ANKRD28: variants seen among roughly 807,000 people sequenced by gnomAD.
The protein encoded by ANKRD28 is serine/threonine-protein phosphatase 6 regulatory ankyrin repeat subunit A.
In ANKRD28, 44 loss-of-function variants were observed where a neutral mutation model predicts 126.5. The ratio of observed to expected loss-of-function variants is 0.35; its 90% CI spans 0.27 to 0.45. ANKRD28 has a LOEUF of 0.45. Ranked by LOEUF, ANKRD28 falls within the 20% of genes least tolerant of loss-of-function variation. ANKRD28 has a pLI of 1.00. For missense variants in ANKRD28, 1,110 were observed against 1,316.6 expected (o/e 0.84, Z 2.43); for synonymous variants, 442 against 468.5 (o/e 0.94, Z 0.73).
chr3:15,736,971 T>C, intron 5 of ANKRD28, 62 bp downstream of exon 5: 1 of 1,541,528 alleles, frequency 6.5e-7, no homozygotes, highest in Admixed American at 1.7e-5. Flanking sequence ...ATGCAAGTTC[T>C]TTAATAAGTG....
intron 1 of ANKRD28, among the ~76,000 whole-genome samples, chr3:15,852,437 A>T (rs1431709211): frequency 6.6e-6 from 1 of 152,236 alleles, no homozygotes; most frequent in African/African-American, 2.4e-5. Context: ...CTTGTGCTAG[A>T]TGTTTTAATA....
At chr3:15,836,631 A>G (rs1559586622) in intron 1 of ANKRD28, among the ~76,000 whole-genome samples, 1 of 152,344 alleles carries the variant, frequency 6.6e-6, no homozygotes, top group East Asian at 1.9e-4. Context: ...GGAAAAACAT[A>G]TACCACACAA....
In ANKRD28 at chr3:15,780,627, G is replaced by A. The variant is rs1305321449; in HGVS notation, c.202-14315C>T. ...TGAATAGTTAAAAACAATAACCAGC[G>A]AAAAAAACAAAGCTGGAGGCATCAC... On this transcript the variant is annotated intron_variant, in intron 2 of 27. Coordinates refer to ENST00000683139, the MANE Select transcript of ANKRD28 (RefSeq NM_001349278.2). Among the ~76,000 whole-genome samples the A allele has an allele frequency of 4.0e-5, 6 of 151,772 alleles. No individual in the cohort carries two copies. The East Asian group carries it at 7.7e-4, about 20-fold the overall frequency.
intron 1 of ANKRD28, among the ~76,000 whole-genome samples, chr3:15,836,857 GGCAGATC>G (rs2061335329): frequency 6.6e-6 from 1 of 150,474 alleles, no homozygotes; most frequent in Non-Finnish European, 1.5e-5. Flanking sequence ...GGCCGAGGCG[GGCAGATC>G]ACAAGGTCAG....
At chr3:15,799,462 AT>A (rs1384391558), upstream of ANKRD28, among the ~76,000 whole-genome samples, 4 of 152,028 alleles carry the variant, frequency 2.6e-5, no homozygotes, top group Non-Finnish European at 5.9e-5. Context: ...CATGCTAACA[AT>A]TCATTAGTTA....
At chr3:15,730,741 T>G (rs186222398) in intron 6 of ANKRD28, among the ~76,000 whole-genome samples, 1 of 152,354 alleles carries the variant, frequency 6.6e-6, no homozygotes, top group African/African-American at 2.4e-5. Flanking sequence ...AAAGGATAAT[T>G]ATAAATCTCT....
intron 12 of ANKRD28, among the ~76,000 whole-genome samples, chr3:15,710,526 C>T (rs1399996617): frequency 2.0e-5 from 3 of 152,132 alleles, no homozygotes; most frequent in Admixed American, 1.3e-4. Flanking sequence ...CTTGGTTCAA[C>T]GTACTCGTCC....
chr3:15,763,424 T>C (rs911247145), intron 3 of ANKRD28, among the ~76,000 whole-genome samples: 5 of 152,230 alleles, frequency 3.3e-5, no homozygotes, highest in African/African-American at 1.2e-4. Flanking sequence ...TAAATAAATA[T>C]GCTAGGAAGG....
At chr3:15,822,795 G>A (rs529027433) in intron 1 of ANKRD28, among the ~76,000 whole-genome samples, 2 of 152,148 alleles carry the variant, frequency 1.3e-5, no homozygotes, top group South Asian at 2.1e-4. Context: ...TAGAAATTCT[G>A]GAGCTAAAGA....
intron 4 of ANKRD28, among the ~76,000 whole-genome samples, chr3:15,748,952 C>G (rs2057667176): frequency 6.6e-6 from 1 of 152,054 alleles, no homozygotes; most frequent in Non-Finnish European, 1.5e-5. Context: ...TCTTCAAGCG[C>G]TAAAGTTCTT....
At chr3:15,743,580 A>ACACACACATG (rs1553616158) in intron 4 of ANKRD28, among the ~76,000 whole-genome samples, 1 of 150,452 alleles carries the variant, frequency 6.6e-6, no homozygotes, top group African/African-American at 2.5e-5. Context: ...ACACACACAC[A>ACACACACATG]CACACACACA....
intron 27 of ANKRD28, among the ~76,000 whole-genome samples, chr3:15,673,906 CTA>C (rs2066634689): frequency 6.6e-6 from 1 of 151,872 alleles, no homozygotes; most frequent in Non-Finnish European, 1.5e-5. Flanking sequence ...ATTTTAAGAA[CTA>C]TGAGTGGGGC....
intron 1 of ANKRD28, among the ~76,000 whole-genome samples, chr3:15,835,826 G>A (rs1253638710): frequency 1.3e-5 from 2 of 152,136 alleles, no homozygotes; most frequent in Non-Finnish European, 2.9e-5. Context: ...AGATACTAAA[G>A]GAAGTTCTCC....
In ANKRD28 at chr3:15,767,565, A is replaced by G. The variant is rs1357761799; in HGVS notation, c.202-1253T>C. Among the ~76,000 whole-genome samples the G allele has an allele frequency of 3.3e-5, 5 of 152,012 alleles. No individual in the cohort carries two copies. The East Asian group carries it at 9.7e-4, about 29-fold the overall frequency. On this transcript the variant is annotated intron_variant, in intron 2 of 27. Coordinates refer to ENST00000683139, the MANE Select transcript of ANKRD28 (RefSeq NM_001349278.2). Reference sequence around the variant, plus strand: ...AACTTCCAGGTCATCTTCAACTTAAAAGACAACTACTCTAGGCTGGGCACA... The same window carrying G: ...AACTTCCAGGTCATCTTCAACTTAAGAGACAACTACTCTAGGCTGGGCACA...
At position 15,734,686 on chromosome 3, in the gene ANKRD28, T is replaced by G. The variant is rs116668135; in HGVS notation, c.640+724A>C. 5.9e-3 allele frequency among the ~76,000 whole-genome samples: 899 copies of G among 152,352 alleles called. 6 individuals carry two copies. Among genetic ancestry groups the G allele is most frequent in the African/African-American group, 0.021 (854 of 41,568 alleles). On this transcript the variant is annotated intron_variant, in intron 6 of 27. Transcript: ENST00000683139. ...GGTGTACTTTCTCTATACTTAGAGA[T>G]CTACCTTCCTCGGCAGTTTTAGCAT... is the stretch of plus-strand genomic sequence containing the variant.
At chr3:15,736,944 G>A (rs1397495991) in intron 5 of ANKRD28, 89 bp downstream of exon 5, 33 of 1,286,116 alleles carry the variant, frequency 2.6e-5, no homozygotes, top group Non-Finnish European at 3.7e-5. Flanking sequence ...AGTTCTGTAT[G>A]CCTTTACTAT....
At chr3:15,724,215 G>T (rs1290663553) in intron 7 of ANKRD28, among the ~76,000 whole-genome samples, 167 bp downstream of exon 7, 2 of 152,102 alleles carry the variant, frequency 1.3e-5, no homozygotes, top group Non-Finnish European at 2.9e-5. Context: ...TACATGCCTT[G>T]ATCATAAATC....
In ANKRD28 at chr3:15,678,227, C is replaced by T. The variant is rs1461780969; in HGVS notation, c.2689G>A (p.Gly897Arg). Residue 897 changes from glycine to arginine, a missense_variant, in exon 24 of 28, where the codon GGA (glycine) becomes AGA (arginine). Coordinates refer to ENST00000683139, the MANE Select transcript of ANKRD28 (RefSeq NM_001349278.2). ...KTPLMMAAEN[G>R]QTNTVEMLVS... ...TCTTTACCAACTGTATTTGTTTGTC[C>T]ATTTTCTGCAGCCATCATAAGAGGT... 6.2e-7 allele frequency: 1 copy of T among 1,610,202 alleles called. No homozygotes were observed.
rs1047026864 is a variant in ANKRD28, at chr3:15,830,008, C to T, written c.27+29369G>A. On this transcript the variant is annotated intron_variant, in intron 1 of 27. Coordinates refer to the ANKRD28 transcript ENST00000399451. The surrounding 1 kb of genome is among the most constrained non-coding windows in gnomAD (Gnocchi z 4.5). ...AAGCATTTTTCCTGTGCAGCATATA[C>T]TCATTTTATCATACAGACACCCCAG... Among the ~76,000 whole-genome samples the T allele has an allele frequency of 2.0e-5, 3 of 150,980 alleles. No individual in the cohort carries two copies. The highest frequency in any genetic ancestry group is 2.9e-5 in the Non-Finnish European group (2 of 67,902).
Sources: gnomAD v4.1 joint callset for allele counts (sites outside exome capture counted in the v4.1 genomes callset) on GRCh38, gnomAD v4.1.1 for gene constraint, Gnocchi (gnomAD v3.1) non-coding constraint, MANE v1.5 for transcripts, NCBI Gene and HGNC (gene_info 2026-07-23, HGNC 2026-07-21) for gene names.